DROSHA: variants seen among roughly 807,000 people sequenced by gnomAD.
DROSHA encodes ribonuclease 3.
DROSHA carries 56 observed loss-of-function variants against 181.9 expected under a neutral mutation model. The ratio of observed to expected loss-of-function variants is 0.31; its 90% CI spans 0.25 to 0.38. The LOEUF (loss-of-function observed/expected upper bound fraction) is 0.38, where lower values mean the gene tolerates loss of function less well. Ranked by LOEUF, DROSHA falls within the 10% of genes least tolerant of loss-of-function variation. The pLI is 1.00. For missense variants in DROSHA, 1,218 were observed against 1,743.5 expected (o/e 0.70, Z 5.37); for synonymous variants, 524 against 591.2 (o/e 0.89, Z 1.65).
At chr5:31,438,910 C>T (rs1398904434) in intron 23 of DROSHA, among the ~76,000 whole-genome samples, 25 of 152,050 alleles carry the variant, frequency 1.6e-4, no homozygotes, top group Admixed American at 1.6e-3. Context: ...ATGCTGTCCT[C>T]AAGGACAGCA....
At chr5:31,494,046 A>G (rs1752697649) in intron 12 of DROSHA, among the ~76,000 whole-genome samples, 1 of 151,052 alleles carries the variant, frequency 6.6e-6, no homozygotes, top group Non-Finnish European at 1.5e-5. Flanking sequence ...TTGGCTCACT[A>G]CAGACTCTGC....
intron 15 of DROSHA, among the ~76,000 whole-genome samples, chr5:31,483,985 T>C (rs546550271): frequency 2.0e-4 from 26 of 131,522 alleles, no homozygotes; most frequent in African/African-American, 4.4e-4. Flanking sequence ...TTCTTTCCCA[T>C]TTTAATCACT....
At chr5:31,431,952 T>C (rs1406782548) in intron 25 of DROSHA, among the ~76,000 whole-genome samples, 3 of 152,126 alleles carry the variant, frequency 2.0e-5, no homozygotes, top group Admixed American at 6.6e-5. Context: ...ATCTGAACTT[T>C]CCAATTCCAA....
intron 30 of DROSHA, among the ~76,000 whole-genome samples, chr5:31,412,317 G>A (rs935846855): frequency 3.3e-5 from 5 of 152,120 alleles, no homozygotes; most frequent in African/African-American, 1.2e-4. Flanking sequence ...CAAATTCTCG[G>A]TCTATTAAAA....
At chr5:31,447,505 C>T (rs1477133772) in intron 23 of DROSHA, among the ~76,000 whole-genome samples, 1 of 152,066 alleles carries the variant, frequency 6.6e-6, no homozygotes, top group Non-Finnish European at 1.5e-5. Context: ...ATGCAATAAA[C>T]TCAGAATAGC....
chr5:31,521,332 G>C (rs1012814556), intron 5 of DROSHA, 117 bp from the exon 6 acceptor site: 53 of 1,017,830 alleles, frequency 5.2e-5, no homozygotes, highest in Non-Finnish European at 7.2e-5. Context: ...TTCAGGCACT[G>C]TTCACTGGGG....
At chr5:31,404,911 A>G (rs1312416097) in intron 35 of DROSHA, among the ~76,000 whole-genome samples, 3 of 152,224 alleles carry the variant, frequency 2.0e-5, no homozygotes, top group Non-Finnish European at 4.4e-5. Context: ...GCTGTTTTCT[A>G]TAATCTGCAG....
intron 23 of DROSHA, 139 bp downstream of exon 23, chr5:31,448,407 GT>G: frequency 1.5e-6 from 1 of 687,888 alleles, no homozygotes; most frequent in South Asian, 1.8e-5. Flanking sequence ...TAATGTCAAT[GT>G]TGCAAAATTA....
At chr5:31,418,257 GAGAGGGAGAC>G (rs1742202690) in intron 30 of DROSHA, among the ~76,000 whole-genome samples, 2 of 152,048 alleles carry the variant, frequency 1.3e-5, no homozygotes, top group South Asian at 4.2e-4. Context: ...GAGAGAGAGA[GAGAGGGAGAC>G]AGAGAGAGAG....
At chr5:31,440,415 C>G (rs1745429003) in intron 23 of DROSHA, among the ~76,000 whole-genome samples, 1 of 152,206 alleles carries the variant, frequency 6.6e-6, no homozygotes, top group African/African-American at 2.4e-5. Context: ...TTCTTAGCTA[C>G]AAAATCATCT....
At chr5:31,453,187 G>A (rs1378828669) in intron 20 of DROSHA, among the ~76,000 whole-genome samples, 1 of 152,068 alleles carries the variant, frequency 6.6e-6, no homozygotes, top group Non-Finnish European at 1.5e-5. Flanking sequence ...AGAGTTTGCT[G>A]ATTATTAAAA....
chr5:31,425,741 C>G (rs772226128), intron 27 of DROSHA, among the ~76,000 whole-genome samples: 24 of 152,138 alleles, frequency 1.6e-4, no homozygotes, highest in Admixed American at 2.6e-4. Context: ...TCACCTTTCT[C>G]CTTAAACTAG....
chr5:31,461,388 T>G (rs1231425000), intron 20 of DROSHA, among the ~76,000 whole-genome samples: 1 of 152,192 alleles, frequency 6.6e-6, no homozygotes, highest in Non-Finnish European at 1.5e-5. Context: ...GCAAAAACTC[T>G]TAGTTAAAAT....
intron 31 of DROSHA, among the ~76,000 whole-genome samples, chr5:31,410,165 A>G (rs186011279): frequency 6.6e-6 from 1 of 152,320 alleles, no homozygotes; most frequent in African/African-American, 2.4e-5. Flanking sequence ...ATACCGTAAC[A>G]TTAAAAAAAA....
intron 11 of DROSHA, among the ~76,000 whole-genome samples, chr5:31,502,315 A>G (rs1753657630): frequency 6.6e-6 from 1 of 152,218 alleles, no homozygotes; most frequent in Admixed American, 6.5e-5. Flanking sequence ...AAAGTTGCCA[A>G]AAGGAATCTG....
At chr5:31,482,255 A>G (rs777444864) in intron 16 of DROSHA, among the ~76,000 whole-genome samples, 11 of 152,202 alleles carry the variant, frequency 7.2e-5, no homozygotes, top group Non-Finnish European at 1.6e-4. Context: ...TGAGTGGCCC[A>G]TATATAGAAG....
chr5:31,448,530 T>C lies in DROSHA; in HGVS notation c.2882+17A>G. ...AATTATATATCAATCAGGTTGTTTA[T>C]TAAAAATCAACTTTACCTCGAGGGA... On this transcript the variant is annotated intron_variant, in intron 23 of 35. Transcript: ENST00000344624. 6.2e-7 allele frequency: 1 copy of C among 1,606,906 alleles called. No individual in the cohort carries two copies.
chr5:31,446,314 G>A (rs185087611), intron 23 of DROSHA, among the ~76,000 whole-genome samples: 13 of 151,982 alleles, frequency 8.6e-5, no homozygotes, highest in Admixed American at 2.0e-4. Context: ...GGGTGTGGTG[G>A]CGGGCGCCTG....
chr5:31,417,939 T>C (rs1424916527), intron 30 of DROSHA, among the ~76,000 whole-genome samples: 1 of 152,168 alleles, frequency 6.6e-6, no homozygotes, highest in Non-Finnish European at 1.5e-5. Flanking sequence ...CACAAAGGCC[T>C]GAGATCTGGG....
Sources: allele counts gnomAD v4.1 joint callset (sites outside exome capture counted in the v4.1 genomes callset), GRCh38; gene constraint gnomAD v4.1.1; transcripts MANE v1.5; gene names NCBI Gene and HGNC (gene_info 2026-07-23, HGNC 2026-07-21).